Variants in NPEPPS observed in about 807,000 individuals in gnomAD.
The protein encoded by NPEPPS is puromycin-sensitive aminopeptidase.
Under a neutral mutation model 115.5 loss-of-function variants are expected in NPEPPS, and 14 were observed. The ratio of observed to expected loss-of-function variants is 0.12; its 90% CI spans 0.08 to 0.19. NPEPPS has a LOEUF of 0.19. NPEPPS is among the 10% of genes least tolerant of loss of function. The pLI, the probability that NPEPPS is intolerant of heterozygous loss-of-function variation, is 1.00. For missense variants in NPEPPS, 523 were observed against 1,110.8 expected (o/e 0.47, Z 7.52); for synonymous variants, 285 against 390.6 (o/e 0.73, Z 3.19).
upstream of NPEPPS, among the ~76,000 whole-genome samples, chr17:47,530,447 C>T: frequency 6.9e-6 from 1 of 145,150 alleles, no homozygotes; most frequent in Non-Finnish European, 1.5e-5. Flanking sequence ...AGCTCCGCCT[C>T]CCGGGTTCAC....
In NPEPPS at chr17:47,608,371, C is replaced by T. The variant is rs186933128; in HGVS notation, c.2095+2819C>T. 1.4e-4 allele frequency among the ~76,000 whole-genome samples: 20 copies of T among 147,656 alleles called. No homozygotes were observed. The East Asian group carries it at 4.0e-3, about 30-fold the overall frequency. ...TCAGGAGGCTGAGGCAGGAAACTCACTTGAACTGGGAGGCAGAGGTTGCAG... is the reference window on the plus strand; with the variant it reads ...TCAGGAGGCTGAGGCAGGAAACTCATTTGAACTGGGAGGCAGAGGTTGCAG... On this transcript the variant is annotated intron_variant, in intron 17 of 22. Transcript: ENST00000322157.
At chr17:47,531,727 G>C (rs1907789178) in intron 1 of NPEPPS, among the ~76,000 whole-genome samples, 172 bp downstream of exon 1, 1 of 151,706 alleles carries the variant, frequency 6.6e-6, no homozygotes, top group South Asian at 2.1e-4. Context: ...GCTGGGGCTG[G>C]GGCTGGGGCT....
chr17:47,601,786 T>TTTTTC (rs1445983037), intron 15 of NPEPPS, 39 bp downstream of exon 15: 1 of 1,582,122 alleles, frequency 6.3e-7, no homozygotes, highest in African/African-American at 1.4e-5. Context: ...TTCTCTCACT[T>TTTTTC]ATACATTTTA....
chr17:47,621,633 A>G (rs1914580325), intron 22 of NPEPPS, 135 bp from the exon 23 acceptor site: 5 of 739,000 alleles, frequency 6.8e-6, no homozygotes, highest in Non-Finnish European at 1.1e-5. Flanking sequence ...TTTTAGCCTG[A>G]GGGTGGCAGT....
rs1914024303 is a variant in NPEPPS at position 47,613,836 on chromosome 17, T to TGCA, written c.2295+111_2295+112insGCA. ...CAGTCCTAGAAAAGAAAGATGCATA[T>TGCA]TGTAGACATGCAAGTATTTTAAAAC... On this transcript the variant is annotated intron_variant, in intron 19 of 22. Coordinates refer to ENST00000322157, the MANE Select transcript of NPEPPS (RefSeq NM_006310.4). The TGCA allele has an allele frequency of 4.2e-6, 3 of 719,612 alleles. No homozygotes were observed. The African/African-American group carries it at 5.4e-5, about 13-fold the overall frequency. 44.6% of individuals were successfully genotyped at this position (719,612 alleles called of 1,614,324 possible). A position where few individuals can be genotyped will look rare whatever the true frequency, so the allele number is the denominator to read the frequency against.
At chr17:47,548,931 T>C (rs1909436013) in intron 2 of NPEPPS, among the ~76,000 whole-genome samples, 1 of 152,178 alleles carries the variant, frequency 6.6e-6, no homozygotes, top group Non-Finnish European at 1.5e-5. Flanking sequence ...TAATGATCTG[T>C]ATCTCACGGA....
At chr17:47,562,052 T>G (rs945632776) in intron 2 of NPEPPS, among the ~76,000 whole-genome samples, 3 of 152,210 alleles carry the variant, frequency 2.0e-5, no homozygotes, top group Admixed American at 1.3e-4. Flanking sequence ...AGGGAGGGTA[T>G]GAGAGCTCTG....
chr17:47,548,804 T>G (rs542343136), intron 2 of NPEPPS, among the ~76,000 whole-genome samples: 265 of 151,676 alleles, frequency 1.7e-3, no homozygotes, highest in Non-Finnish European at 3.0e-3. Context: ...CTTGAACTCC[T>G]GGCCTTGTGA....
intron 3 of NPEPPS, among the ~76,000 whole-genome samples, chr17:47,570,415 C>G (rs1360102378): frequency 6.6e-6 from 1 of 152,152 alleles, no homozygotes; most frequent in Non-Finnish European, 1.5e-5. Context: ...GAGTGGGACT[C>G]TGTCTAAAAC....
chr17:47,568,356 A>G (rs1910968495), intron 2 of NPEPPS, among the ~76,000 whole-genome samples: 1 of 152,084 alleles, frequency 6.6e-6, no homozygotes, highest in South Asian at 2.1e-4. Context: ...TTTTTAGTAA[A>G]AATGGGGTTT....
At chr17:47,610,398 G>C (rs570404663) in intron 17 of NPEPPS, among the ~76,000 whole-genome samples, 1 of 151,196 alleles carries the variant, frequency 6.6e-6, no homozygotes, top group Non-Finnish European at 1.5e-5. Flanking sequence ...TTTTTTTGGG[G>C]GGGGGTAACA....
At chr17:47,588,783 C>G (rs962132567) in intron 9 of NPEPPS, among the ~76,000 whole-genome samples, 1 of 152,010 alleles carries the variant, frequency 6.6e-6, no homozygotes, top group African/African-American at 2.4e-5. Flanking sequence ...CAACTTTTTA[C>G]TGGTTTTATG....
chr17:47,612,735 C>T (rs1913953037), intron 18 of NPEPPS, 133 bp downstream of exon 18: 22 of 755,682 alleles, frequency 2.9e-5, no homozygotes, highest in Non-Finnish European at 4.5e-5. Flanking sequence ...ATGATCTCGG[C>T]TCACTGCAGC....
chr17:47,567,440 C>T (rs16970337), intron 2 of NPEPPS, among the ~76,000 whole-genome samples: 1,833 of 152,270 alleles, frequency 0.012, 41 homozygotes, highest in African/African-American at 0.043. Flanking sequence ...TAATCTGAAT[C>T]GTTACCCACA....
chr17:47,556,575 C>T (rs1185959713), intron 2 of NPEPPS, among the ~76,000 whole-genome samples: 3 of 152,182 alleles, frequency 2.0e-5, no homozygotes, highest in African/African-American at 2.4e-5. Flanking sequence ...CATCATGGCC[C>T]GCTCTCAATG....
At chr17:47,529,315 C>G (rs971598002), upstream of NPEPPS, among the ~76,000 whole-genome samples, 1 of 151,804 alleles carries the variant, frequency 6.6e-6, no homozygotes, top group Non-Finnish European at 1.5e-5. Context: ...CTCACTGCAG[C>G]CTCCATCCAC....
At position 47,622,045 on chromosome 17, in the gene NPEPPS, G is replaced by C. The variant is rs1914606997; in HGVS notation, c.*125G>C. The C allele has an allele frequency of 3.0e-6, 4 of 1,331,586 alleles. No homozygotes were observed. The allele number at this position is 1,331,586 out of a possible 1,614,324, so 82.5% of individuals were successfully genotyped here. On this transcript the variant is annotated 3_prime_UTR_variant, in exon 23 of 23. Coordinates refer to ENST00000322157, the MANE Select transcript of NPEPPS (RefSeq NM_006310.4). Reference sequence around the variant, plus strand: ...TTCAAACCAGTGGGGGTTGGACAATGAATGTAGTTAACTGGTTCCTGCTCA... The same window carrying C: ...TTCAAACCAGTGGGGGTTGGACAATCAATGTAGTTAACTGGTTCCTGCTCA...
chr17:47,608,028 G>T (rs1392566771), intron 17 of NPEPPS, among the ~76,000 whole-genome samples: 1 of 150,918 alleles, frequency 6.6e-6, no homozygotes, highest in Non-Finnish European at 1.5e-5. Context: ...TTTTGGAAAA[G>T]ATGAGACTTC....
At position 47,553,761 on chromosome 17, in the gene NPEPPS, T is replaced by C. The variant is rs377424568; in HGVS notation, c.340+7768T>C. Among the ~76,000 whole-genome samples, 146 of 148,300 alleles carry C rather than the reference T, an allele frequency of 9.8e-4. 1 individual carries two copies. The East Asian group carries it at 0.024, about 24-fold the overall frequency. ...GAATGTTGTGTGCGTCTCTCTCTCT[T>C]TTTTTTTTTTTTGAGACGTTGCTCT... is the stretch of plus-strand genomic sequence containing the variant. On this transcript the variant is annotated intron_variant, in intron 2 of 22. Coordinates refer to ENST00000322157, the MANE Select transcript of NPEPPS (RefSeq NM_006310.4).
Sources: allele counts gnomAD v4.1 joint callset (sites outside exome capture counted in the v4.1 genomes callset), GRCh38; gene constraint gnomAD v4.1.1; transcripts MANE v1.5; gene names NCBI Gene and HGNC (gene_info 2026-07-23, HGNC 2026-07-21).